The following PUM3 variants were observed in gnomAD, a reference collection of about 807,000 sequenced individuals.
PUM3 encodes pumilio RNA binding family member 3, also known as pumilio homolog 3.
In PUM3, 91 loss-of-function variants were observed where a neutral mutation model predicts 84.0. The observed-to-expected ratio is 1.08, with a 90% CI of 0.91 to 1.29. The LOEUF is 1.29. Ranked by LOEUF, PUM3 falls within the 50% of genes most tolerant of loss-of-function variation. The pLI, the probability that PUM3 is intolerant of heterozygous loss-of-function variation, is 0.00. For synonymous variants in PUM3, 321 were observed against 266.7 expected (o/e 1.20, Z -1.98); for missense variants, 1,067 against 767.5 (o/e 1.39, Z -4.61).
At chr9:2,816,944 C>T (rs971401015) in intron 13 of PUM3, among the ~76,000 whole-genome samples, 16 of 152,324 alleles carry the variant, frequency 1.1e-4, no homozygotes, top group African/African-American at 3.8e-4. Flanking sequence ...CTTAGCAACA[C>T]ACTAAGCTTT....
chr9:2,835,013 C>CAAAAAAA, intron 3 of PUM3, among the ~76,000 whole-genome samples: 1 of 119,984 alleles, frequency 8.3e-6, no homozygotes, highest in Non-Finnish European at 1.7e-5. Context: ...GGGAAAAATG[C>CAAAAAAA]AAAAAAAAAA....
intron 17 of PUM3, among the ~76,000 whole-genome samples, chr9:2,805,700 G>A (rs1821243469): frequency 6.6e-6 from 1 of 152,020 alleles, no homozygotes; most frequent in East Asian, 1.9e-4. Flanking sequence ...ATTGCTTACT[G>A]AGCATATGCC....
intron 10 of PUM3, among the ~76,000 whole-genome samples, chr9:2,826,210 A>G (rs1815816359): frequency 6.6e-6 from 1 of 152,132 alleles, no homozygotes; most frequent in South Asian, 2.1e-4. Context: ...CTGTTACTGA[A>G]ACATTCAACA....
At position 2,834,070 on chromosome 9, in the gene PUM3, A is replaced by G; in HGVS notation, c.401T>C (p.Ile134Thr). 7 of 1,613,674 alleles carry G rather than the reference A, an allele frequency of 4.3e-6. No individual in the cohort carries two copies. The highest frequency in any genetic ancestry group is 5.1e-6 in the Non-Finnish European group (6 of 1,179,746). ...CCACATCTGCTTTGCCCGAACAACA[A>G]TGTCATAGTTGGTTTTATCACTGAG... ...RQLSDKTNYD[I>T]VVRAKQMWEI... Residue 134 changes from isoleucine (I) to threonine (T), a missense_variant, in exon 4 of 18, where the codon ATT (isoleucine) becomes ACT (threonine). By Grantham distance (89) the Ile-to-Thr change is moderately conservative. Transcript: ENST00000397885.
Position 2,830,951 on chromosome 9 carries a change from A to C in PUM3, c.677+11T>G, listed in dbSNP as rs765370071. The C allele has an allele frequency of 1.5e-6, 2 of 1,314,862 alleles. No homozygotes were observed. The allele number at this position is 1,314,862 out of a possible 1,614,324, so 81.4% of individuals were successfully genotyped here. On this transcript the variant is annotated intron_variant, in intron 7 of 17. Transcript: ENST00000397885. ...AAAGAAAAAATGTATTTTATACATAAAACAACTTACCCATACATGAGAAAT... is the reference window on the plus strand; with the variant it reads ...AAAGAAAAAATGTATTTTATACATACAACAACTTACCCATACATGAGAAAT...
chr9:2,807,890 T>C lies in PUM3; in HGVS notation c.1738A>G (p.Thr580Ala), dbSNP rs776631978. 6.2e-7 allele frequency: 1 copy of C among 1,612,110 alleles called. No homozygotes were observed. The highest frequency in any genetic ancestry group is 1.1e-5 in the South Asian group (1 of 91,056). ...TTCATACCAACATGCTCTACAAGTG[T>C]TTTTGCAAAACAACCTGTAAAATAT... ...ENGREGCFAK[T>A]LVEHVGMKNL... Residue 580 changes from threonine (T) to alanine (A), a missense_variant, in exon 17 of 18, where the codon ACA (threonine) becomes GCA (alanine). Thr to Ala is a moderately conservative substitution (Grantham distance 58, BLOSUM62 0). Coordinates refer to ENST00000397885, the MANE Select transcript of PUM3 (RefSeq NM_014878.5).
At chr9:2,816,323 C>T (rs990999107) in intron 13 of PUM3, among the ~76,000 whole-genome samples, 4 of 152,280 alleles carry the variant, frequency 2.6e-5, no homozygotes, top group South Asian at 2.1e-4. Flanking sequence ...GTTCTGAAAA[C>T]AGGGTGACTG....
chr9:2,829,706 G>A, intron 8 of PUM3, 68 bp downstream of exon 8: 2 of 1,320,726 alleles, frequency 1.5e-6, no homozygotes, highest in Non-Finnish European at 2.1e-6. Flanking sequence ...GATATATAGG[G>A]CACCGGAAGT....
At chr9:2,842,729 A>G (rs958430956) in intron 1 of PUM3, among the ~76,000 whole-genome samples, 1 of 152,180 alleles carries the variant, frequency 6.6e-6, no homozygotes, top group African/African-American at 2.4e-5. Context: ...AAACTTGTGT[A>G]TAACTGCTTA....
At position 2,830,992 on chromosome 9, in the gene PUM3, C is replaced by G; in HGVS notation, c.647G>C (p.Arg216Thr). The change falls in exon 7 of 18, where the codon AGA becomes ACA. Residue 216 changes from arginine to threonine, a missense_variant. Arg to Thr is a moderately conservative substitution (Grantham distance 71). Transcript: ENST00000397885. Reference protein sequence around the residue: ...LVELSKAKYSRNIVKKFLMYG... With the variant: ...LVELSKAKYSTNIVKKFLMYG... ...CATGAGAAATTTCTTAACAATATTT[C>G]TCGAATATTTGGCTTTACTTAACTC... 1 of 1,491,478 alleles carries G rather than the reference C, an allele frequency of 6.7e-7. No homozygotes were observed. The highest frequency in any genetic ancestry group is 9.3e-7 in the Non-Finnish European group (1 of 1,074,838). The allele number at this position is 1,491,478 out of a possible 1,614,324, so 92.4% of individuals were successfully genotyped here. A position where few individuals can be genotyped will look rare whatever the true frequency, so the allele number is the denominator to read the frequency against.
intron 8 of PUM3, among the ~76,000 whole-genome samples, chr9:2,829,211 C>T (rs1815906658): frequency 6.6e-6 from 1 of 152,248 alleles, no homozygotes; most frequent in Admixed American, 6.5e-5. Flanking sequence ...CAATCCATAT[C>T]CCTTCAGACA....
chr9:2,840,726 C>T (rs898770153), intron 1 of PUM3, among the ~76,000 whole-genome samples: 2 of 152,196 alleles, frequency 1.3e-5, no homozygotes, highest in African/African-American at 4.8e-5. Flanking sequence ...CCTTTTGACG[C>T]GGCCCAACTG....
At chr9:2,834,521 C>T (rs1434410276) in intron 3 of PUM3, among the ~76,000 whole-genome samples, 2 of 152,114 alleles carry the variant, frequency 1.3e-5, no homozygotes, top group African/African-American at 4.8e-5. Context: ...TAATTAACTT[C>T]CAATGAAAAC....
intron 8 of PUM3, 30 bp from the exon 9 acceptor site, chr9:2,828,808 C>G: frequency 8.4e-7 from 1 of 1,195,730 alleles, no homozygotes; most frequent in Non-Finnish European, 1.2e-6. Flanking sequence ...TCAAACCCCT[C>G]TAAATTTAAT....
chr9:2,808,861 G>GT (rs1196889191), intron 16 of PUM3, among the ~76,000 whole-genome samples: 4 of 152,196 alleles, frequency 2.6e-5, no homozygotes, highest in African/African-American at 9.6e-5. Context: ...GACCAAGACA[G>GT]TATGATGAAA....
chr9:2,837,122 G>A, intron 3 of PUM3, 58 bp downstream of exon 3: 1 of 1,432,022 alleles, frequency 7.0e-7, no homozygotes, highest in East Asian at 2.3e-5. Context: ...CGCACCTCCA[G>A]AGTCCCTGTG....
At chr9:2,831,186 T>C (rs1586726506) in intron 6 of PUM3, 65 bp downstream of exon 6, 3 of 1,201,892 alleles carry the variant, frequency 2.5e-6, no homozygotes, top group East Asian at 2.3e-5. Context: ...CAGTCTTGGG[T>C]ATTTTAAGAG....
In PUM3 at chr9:2,838,452, TC is replaced by T. The variant is rs1472924428; in HGVS notation, c.55del (p.Glu19LysfsTer47). ...ACTATTTTTATGAAATCTGTTTTTT[TC>T]TTGTGCTGTCTTTGTACTCTTTCCT... ...FTGKSTKTAQ[E>X]KNRFHKNSDS... On this transcript the variant is annotated frameshift_variant, in exon 2 of 18. Transcript: ENST00000397885. LOFTEE classifies it high-confidence loss of function. The T allele has an allele frequency of 6.2e-7, 1 of 1,613,088 alleles. No homozygotes were observed. Among genetic ancestry groups the T allele is most frequent in the Non-Finnish European group, 8.5e-7 (1 of 1,179,138 alleles).
chr9:2,817,681 T>G (rs1256074698), intron 13 of PUM3, among the ~76,000 whole-genome samples: 1 of 152,194 alleles, frequency 6.6e-6, no homozygotes, highest in East Asian at 1.9e-4. Context: ...AAATTTATCA[T>G]AGTAGATATG....
Sources: gnomAD v4.1 joint callset for allele counts (sites outside exome capture counted in the v4.1 genomes callset) on GRCh38, gnomAD v4.1.1 for gene constraint, MANE v1.5 for transcripts, NCBI Gene and HGNC (gene_info 2026-07-23, HGNC 2026-07-21) for gene names.